ARHGEF5: variants seen among roughly 807,000 people sequenced by gnomAD.
ARHGEF5 encodes the protein Rho guanine nucleotide exchange factor (GEF) 5.
ARHGEF5 carries 11 observed loss-of-function variants against 104.0 expected under a neutral mutation model. That is an observed-to-expected ratio of 0.11 (90% confidence interval 0.07 to 0.18). The LOEUF (loss-of-function observed/expected upper bound fraction) is 0.18. Ranked by LOEUF, ARHGEF5 falls within the 10% of genes least tolerant of loss-of-function variation. ARHGEF5 has a pLI of 1.00. For missense variants in ARHGEF5, 165 were observed against 1,335.4 expected (o/e 0.12, Z 13.66); for synonymous variants, 60 against 512.2 (o/e 0.12, Z 11.92).
intron 1 of ARHGEF5, among the ~76,000 whole-genome samples, chr7:144,359,315 A>T (rs1299496146): frequency 3.0e-5 from 4 of 132,698 alleles, no homozygotes; most frequent in African/African-American, 1.1e-4. Context: ...TGTTCAAATA[A>T]ATTTAATGGT....
chr7:144,373,200 C>G lies in ARHGEF5; in HGVS notation c.4056C>G (p.Ile1352Met). Residue 1352 changes from isoleucine (I) to methionine (M), a missense_variant, in exon 10 of 15, where the codon ATC becomes ATG. By Grantham distance (10) the Ile-to-Met change is conservative. Transcript: ENST00000056217. ...CTCACTCTCTGCACCCCTAGCTGAT[C>G]CGGGACTGCAATAACAATGTCCAGA... ...TKAHHALEQL[I>M]RDCNNNVQSM... 7.0e-7 allele frequency: 1 copy of G among 1,434,252 alleles called. No individual in the cohort carries two copies. Among genetic ancestry groups the G allele is most frequent in the Non-Finnish European group, 9.5e-7 (1 of 1,049,604 alleles). The allele number at this position is 1,434,252 out of a possible 1,614,324, so 88.8% of individuals were successfully genotyped here.
rs753620219 is a variant in ARHGEF5, at chr7:144,378,755, T to C, written c.4532-7T>C. On this transcript the variant is annotated splice_polypyrimidine_tract_variant and splice_region_variant and intron_variant, in intron 13 of 14. Transcript: ENST00000056217. ...CTAACCTCTCTTCACACTCTTCTCT[T>C]CCAAAGACTCCCCCCAGGTACAGTG... 2 of 1,612,842 alleles carry C rather than the reference T, an allele frequency of 1.2e-6. No individual in the cohort carries two copies. Among genetic ancestry groups the C allele is most frequent in the Middle Eastern group, 1.7e-4 (1 of 6,052 alleles).
In ARHGEF5 at chr7:144,378,698, G is replaced by A; in HGVS notation, c.4532-64G>A. 3 of 1,421,432 alleles carry A rather than the reference G, an allele frequency of 2.1e-6. No homozygotes were observed. In the South Asian group the frequency reaches 3.7e-5, roughly 18 times the overall value. 88.1% of individuals were successfully genotyped at this position (1,421,432 alleles called of 1,614,324 possible). ...GTCCTCCCACGCCACCCCCCTCCAA[G>A]TCCCTGTCTGTGTTCCAATCCCCTG... is the stretch of plus-strand genomic sequence containing the variant. On this transcript the variant is annotated intron_variant, in intron 13 of 14. Transcript: ENST00000056217.
chr7:144,369,187 G>A (rs1273593283), intron 5 of ARHGEF5, among the ~76,000 whole-genome samples: 1 of 3,126 alleles, frequency 3.2e-4, no homozygotes, highest in Non-Finnish European at 4.8e-4. Context: ...AAAAGGACAC[G>A]AAAAGTGAGA....
intron 12 of ARHGEF5, 36 bp from the exon 13 acceptor site, chr7:144,377,084 C>G (rs767210479): frequency 1.6e-4 from 213 of 1,324,796 alleles, no homozygotes; most frequent in Non-Finnish European, 2.1e-4. Flanking sequence ...CCTACACCCC[C>G]ACAATTGATG....
chr7:144,378,707 T>A, intron 13 of ARHGEF5, 55 bp from the exon 14 acceptor site: 1 of 1,495,792 alleles, frequency 6.7e-7, no homozygotes, highest in Non-Finnish European at 9.2e-7. Flanking sequence ...AGTCCCTGTC[T>A]GTGTTCCAAT....
Position 144,378,831 on chromosome 7 carries a change from C to G in ARHGEF5, c.4601C>G (p.Ala1534Gly). 6.2e-7 allele frequency: 1 copy of G among 1,614,062 alleles called. No homozygotes were observed. Among genetic ancestry groups the G allele is most frequent in the Non-Finnish European group, 8.5e-7 (1 of 1,179,964 alleles). Residue 1534 changes from alanine (A) to glycine (G), a missense_variant, in exon 14 of 15, where the codon GCC (alanine) becomes GGC (glycine). Physicochemically the swap from Ala to Gly is moderately conservative, Grantham distance 60. Transcript: ENST00000056217. ...AATGATGAATTGGCACTGGAGAAAG[C>G]CGACGTGGTGATGGTGACTCAGCAG... ...RENDELALEK[A>G]DVVMVTQQSS...
chr7:144,378,013 A>C (rs541780578), intron 13 of ARHGEF5, among the ~76,000 whole-genome samples: 2 of 152,320 alleles, frequency 1.3e-5, no homozygotes, highest in South Asian at 4.1e-4. Flanking sequence ...ATTTTACAAG[A>C]GAATCAAGGC....
Position 144,378,866 on chromosome 7 carries a change from G to A in ARHGEF5, c.4636G>A (p.Gly1546Ser), listed in dbSNP as rs756346759. 7.4e-6 allele frequency: 12 copies of A among 1,613,544 alleles called. No individual in the cohort carries two copies. The highest frequency in any genetic ancestry group is 3.3e-5 in the South Asian group (3 of 91,044). ...GATGGTGACTCAGCAGAGCAGTGAC[G>A]GTAAGCGGGAGCATGCGTGAGCAGC... Reference protein sequence around the residue: ...VVMVTQQSSDGWLEGVRLSDG... With the variant: ...VVMVTQQSSDSWLEGVRLSDG... The change falls in exon 14 of 15, where the codon GGC (glycine) becomes AGC (serine). Residue 1546 changes from glycine (G) to serine (S), a missense_variant and splice_region_variant. Gly to Ser is a moderately conservative substitution (Grantham distance 56). Coordinates refer to ENST00000056217, the MANE Select transcript of ARHGEF5 (RefSeq NM_005435.4).
Position 144,373,235 on chromosome 7 carries a change from G to T in ARHGEF5, c.4091G>T (p.Arg1364Leu), listed in dbSNP as rs371290191. 8.2e-5 allele frequency: 119 copies of T among 1,454,202 alleles called. 7 individuals are homozygous for T. Among genetic ancestry groups the T allele is most frequent in the South Asian group, 5.6e-4 (45 of 80,964 alleles). 90.1% of individuals were successfully genotyped at this position (1,454,202 alleles called of 1,614,324 possible). ...AATAACAATGTCCAGAGTATGCGAC[G>T]GACAGAGGAACTAATCTACCTGAGC... ...DCNNNVQSMR[R>L]TEELIYLSQK... The change falls in exon 10 of 15, where the codon CGG becomes CTG. Residue 1364 changes from arginine to leucine, a missense_variant. Transcript: ENST00000056217.
At chr7:144,379,823 T>A in intron 14 of ARHGEF5, 76 bp from the exon 15 acceptor site, 1 of 1,574,106 alleles carries the variant, frequency 6.4e-7, no homozygotes, top group South Asian at 1.1e-5. Context: ...TTCAGAAAAC[T>A]CTCCAGGAAG....
chr7:144,378,925 G>A, intron 14 of ARHGEF5, 59 bp downstream of exon 14: 1 of 1,508,780 alleles, frequency 6.6e-7, no homozygotes, highest in Non-Finnish European at 9.2e-7. Flanking sequence ...AGTGCTGGGA[G>A]TGTGTTCACT....
chr7:144,357,221 T>C (rs1185219578), intron 1 of ARHGEF5, among the ~76,000 whole-genome samples: 2 of 96,010 alleles, frequency 2.1e-5, no homozygotes, highest in Admixed American at 2.2e-4. Context: ...GTTATCTGTG[T>C]GTATGCCACC....
At chr7:144,360,396 G>T in intron 1 of ARHGEF5, among the ~76,000 whole-genome samples, 1 of 85,468 alleles carries the variant, frequency 1.2e-5, no homozygotes, top group Non-Finnish European at 2.6e-5. Context: ...TATACATAAA[G>T]TGCATTGGGA....
chr7:144,377,558 C>G (rs1405794793), intron 13 of ARHGEF5, among the ~76,000 whole-genome samples: 1 of 151,894 alleles, frequency 6.6e-6, no homozygotes, highest in Non-Finnish European at 1.5e-5. Flanking sequence ...AGGATAGCAC[C>G]CCAGATCTAT....
At chr7:144,357,663 G>C (rs1466921402) in intron 1 of ARHGEF5, among the ~76,000 whole-genome samples, 3 of 151,602 alleles carry the variant, frequency 2.0e-5, no homozygotes, top group African/African-American at 7.2e-5. Flanking sequence ...ATTGGGGAGG[G>C]GTTGTATCCT....
rs1208745923 is a variant in ARHGEF5 at position 144,380,252 on chromosome 7, G to A, written c.*196G>A. On this transcript the variant is annotated 3_prime_UTR_variant, in exon 15 of 15. Coordinates refer to ENST00000056217, the MANE Select transcript of ARHGEF5 (RefSeq NM_005435.4). ...TGTGCTTGGTGGGGGGGATTTCGAGGGACTTTGCACTGGACTCTGGGAACC... is the reference window on the plus strand; with the variant it reads ...TGTGCTTGGTGGGGGGGATTTCGAGAGACTTTGCACTGGACTCTGGGAACC... 3 of 634,684 alleles carry A rather than the reference G, an allele frequency of 4.7e-6. No individual in the cohort carries two copies. The highest frequency in any genetic ancestry group is 7.8e-6 in the Non-Finnish European group (3 of 383,180). 39.3% of individuals were successfully genotyped at this position (634,684 alleles called of 1,614,324 possible). A position where few individuals can be genotyped will look rare whatever the true frequency, so the allele number is the denominator to read the frequency against.
chr7:144,379,575 C>T (rs1018253658), intron 14 of ARHGEF5, among the ~76,000 whole-genome samples: 1 of 152,194 alleles, frequency 6.6e-6, no homozygotes, highest in African/African-American at 2.4e-5. Flanking sequence ...TCCAGTATGA[C>T]ATCATCTTAA....
chr7:144,380,222 T>C lies in ARHGEF5; in HGVS notation c.*166T>C, dbSNP rs2053791544. On this transcript the variant is annotated 3_prime_UTR_variant, in exon 15 of 15. Coordinates refer to ENST00000056217, the MANE Select transcript of ARHGEF5 (RefSeq NM_005435.4). ...GTCCCTCGGCCCAGGCCTCCTTTCG[T>C]GCTTTGTGCTTGGTGGGGGGGATTT... 1.2e-6 allele frequency: 1 copy of C among 820,216 alleles called. No individual in the cohort carries two copies. Among genetic ancestry groups the C allele is most frequent in the Admixed American group, 2.9e-5 (1 of 34,770 alleles). The allele number at this position is 820,216 out of a possible 1,614,324, so 50.8% of individuals were successfully genotyped here.
Sources: gnomAD v4.1 joint callset for allele counts (sites outside exome capture counted in the v4.1 genomes callset) on GRCh38, gnomAD v4.1.1 for gene constraint, MANE v1.5 for transcripts, NCBI Gene and HGNC (gene_info 2026-07-23, HGNC 2026-07-21) for gene names.